BCAS3: variants seen among roughly 807,000 people sequenced by gnomAD.
BCAS3 encodes the protein BCAS4/BCAS3 fusion.
BCAS3 carries 53 observed loss-of-function variants against 116.1 expected under a neutral mutation model. The observed-to-expected ratio is 0.46, with a 90% CI of 0.37 to 0.57. The LOEUF (loss-of-function observed/expected upper bound fraction) is 0.57. Ranked by LOEUF, BCAS3 falls within the 20% of genes least tolerant of loss-of-function variation. The probability of loss-of-function intolerance (pLI) is 0.00; values close to 1 mark genes in which losing one functional copy is unlikely to be tolerated. For synonymous variants in BCAS3, 391 were observed against 408.2 expected (o/e 0.96, Z 0.51); for missense variants, 917 against 1,165.4 (o/e 0.79, Z 3.10).
chr17:61,067,274 TATA>T (rs2143368302), intron 19 of BCAS3, among the ~76,000 whole-genome samples: 1 of 13,144 alleles, frequency 7.6e-5, no homozygotes, highest in Non-Finnish European at 2.2e-4. Flanking sequence ...TGTGTATGTG[TATA>T]TATATATATA....
At chr17:61,301,407 G>A (rs150140556) in intron 22 of BCAS3, among the ~76,000 whole-genome samples, 85 of 152,328 alleles carry the variant, frequency 5.6e-4, no homozygotes, top group African/African-American at 1.9e-3. Context: ...GCCGAGGCGG[G>A]TGGATCACGA....
Position 61,063,611 on chromosome 17 carries a change from A to T in BCAS3, c.2030-11309A>T, listed in dbSNP as rs971860243. Among the ~76,000 whole-genome samples the T allele has an allele frequency of 2.0e-5, 3 of 152,020 alleles. No homozygotes were observed. The highest frequency in any genetic ancestry group is 7.2e-5 in the African/African-American group (3 of 41,398). On this transcript the variant is annotated intron_variant, in intron 19 of 23. Transcript: ENST00000407086. The surrounding 1 kb of genome is among the most constrained non-coding windows in gnomAD (Gnocchi z 5.3). ...AGAAATGCTTCAGGATCTTGTTTCC[A>T]CTTGATTAAAATTTCCATTGAAAGC...
chr17:61,360,815 C>T (rs2058416125), intron 22 of BCAS3, among the ~76,000 whole-genome samples: 1 of 152,212 alleles, frequency 6.6e-6, no homozygotes, highest in South Asian at 2.1e-4. Flanking sequence ...CACCATTCTA[C>T]CCATTGCAGT....
At chr17:60,738,717 A>G (rs2041225082) in intron 5 of BCAS3, among the ~76,000 whole-genome samples, 1 of 152,156 alleles carries the variant, frequency 6.6e-6, no homozygotes, top group South Asian at 2.1e-4. Context: ...TGGATAAATA[A>G]CTACCATATT....
intron 10 of BCAS3, chr17:60,900,046 G>C (rs1018192424): frequency 1.3e-5 from 2 of 152,560 alleles, no homozygotes; most frequent in Non-Finnish European, 2.9e-5. Flanking sequence ...AGGAGTAGGG[G>C]ACCACCAGGT....
chr17:60,940,045 ATAAT>A (rs1237975944), intron 13 of BCAS3, among the ~76,000 whole-genome samples: 1 of 152,210 alleles, frequency 6.6e-6, no homozygotes, highest in East Asian at 1.9e-4. Context: ...GAGAAAGAAA[ATAAT>A]TAAATATTTA....
chr17:60,913,136 A>G (rs1599640828), intron 12 of BCAS3, among the ~76,000 whole-genome samples: 1 of 152,080 alleles, frequency 6.6e-6, no homozygotes, highest in Non-Finnish European at 1.5e-5. Flanking sequence ...GAGAGTTGCA[A>G]AAGTTCATTT....
chr17:60,859,938 T>G (rs1353633109), intron 7 of BCAS3, among the ~76,000 whole-genome samples: 2 of 152,170 alleles, frequency 1.3e-5, no homozygotes, highest in Non-Finnish European at 2.9e-5. Context: ...AATTTGATAT[T>G]GTGACTAGTG....
rs995772148 is a variant in BCAS3, at chr17:61,021,160, A to G, written c.1637+5259A>G. Among the ~76,000 whole-genome samples the G allele has an allele frequency of 2.0e-5, 3 of 151,960 alleles. No individual in the cohort carries two copies. The highest frequency in any genetic ancestry group is 4.4e-5 in the Non-Finnish European group (3 of 67,984). ...CAACCTCTGCTCTTGGGCTCAGGTG[A>G]TTCTCTTGCCTCAGCCTCCCGAGTA... On this transcript the variant is annotated intron_variant, in intron 16 of 23. Transcript: ENST00000407086. This position sits in a 1 kb window ranked among gnomAD's most constrained non-coding sequence, Gnocchi z 4.6.
chr17:61,121,218 A>G (rs542961707), intron 22 of BCAS3, among the ~76,000 whole-genome samples: 2 of 152,266 alleles, frequency 1.3e-5, no homozygotes, highest in African/African-American at 4.8e-5. Context: ...TGAGAGAGAG[A>G]GCTAGAGATG....
In BCAS3 at chr17:61,380,679, C is replaced by A; in HGVS notation, c.2594-11298C>A. On this transcript the variant is annotated intron_variant, in intron 23 of 23. Transcript: ENST00000407086. This position sits in a 1 kb window ranked among gnomAD's most constrained non-coding sequence, Gnocchi z 4.2. Reference sequence around the variant, plus strand: ...CCTCGTGCCCAGGCCCAGGAGCACTCTAGGGAGGGCAGGGGTCAGCTCAGA... The same window carrying A: ...CCTCGTGCCCAGGCCCAGGAGCACTATAGGGAGGGCAGGGGTCAGCTCAGA... The A allele has an allele frequency of 9.9e-7, 1 of 1,014,058 alleles. No individual in the cohort carries two copies. The highest frequency in any genetic ancestry group is 1.5e-6 in the Non-Finnish European group (1 of 672,056). The allele number at this position is 1,014,058 out of a possible 1,614,324, so 62.8% of individuals were successfully genotyped here. A position where few individuals can be genotyped will look rare whatever the true frequency, so the allele number is the denominator to read the frequency against.
intron 22 of BCAS3, among the ~76,000 whole-genome samples, chr17:61,108,607 T>TG (rs1388962945): frequency 6.6e-6 from 1 of 151,134 alleles, no homozygotes; most frequent in African/African-American, 2.4e-5. Flanking sequence ...TATAGTGGTT[T>TG]TTTTTTTTTT....
chr17:60,916,552 TAA>T (rs1005333981), intron 12 of BCAS3, among the ~76,000 whole-genome samples: 6 of 152,178 alleles, frequency 3.9e-5, no homozygotes, highest in African/African-American at 1.4e-4. Context: ...TGGGTAAAAA[TAA>T]AGGTATATGT....
chr17:61,075,095 G>C, intron 20 of BCAS3, 75 bp downstream of exon 20: 1 of 1,161,906 alleles, frequency 8.6e-7, no homozygotes, highest in East Asian at 2.4e-5. Context: ...TTTCCTTAGA[G>C]GTAAAAGGGG....
rs1254698057 is a variant in BCAS3 at position 61,067,269 on chromosome 17, A to ATGTGTG, written c.2030-7646_2030-7645insGTGTGT. 4.1e-3 allele frequency among the ~76,000 whole-genome samples: 341 copies of ATGTGTG among 83,248 alleles called. 21 individuals are homozygous for ATGTGTG. Among genetic ancestry groups the ATGTGTG allele is most frequent in the African/African-American group, 0.019 (319 of 16,982 alleles). 54.6% of individuals were successfully genotyped at this position (83,248 alleles called of 152,430 possible). ...ATTTCATAACTTTATTTATGTGTGT[A>ATGTGTG]TGTGTATATATATATATATATATAT... On this transcript the variant is annotated intron_variant, in intron 19 of 23. Coordinates refer to ENST00000407086, the MANE Select transcript of BCAS3 (RefSeq NM_017679.5).
rs1322665542 is a variant in BCAS3, at chr17:61,068,219, TTCTTTAAATAAACTCTATTAA to T, written c.2030-6700_2030-6680del. On this transcript the variant is annotated intron_variant, in intron 19 of 23. Transcript: ENST00000407086. The surrounding 1 kb of genome is among the most constrained non-coding windows in gnomAD (Gnocchi z 4.3). ...ATTTGCAAGATATGTAACTTTATTTTTCTTTAAATAAACTCTATTAAGTTTTTTTTAGTACCTCCATTCGAA... is the reference window on the plus strand; with the variant it reads ...ATTTGCAAGATATGTAACTTTATTTTGTTTTTTTTAGTACCTCCATTCGAA... Among the ~76,000 whole-genome samples, 1 of 152,246 alleles carries T rather than the reference TTCTTTAAATAAACTCTATTAA, an allele frequency of 6.6e-6. No homozygotes were observed. The highest frequency in any genetic ancestry group is 1.9e-4 in the East Asian group (1 of 5,206).
rs999779465 is a variant in BCAS3, at chr17:61,343,018, C to T, written c.2426-25309C>T. On this transcript the variant is annotated intron_variant, in intron 22 of 23. Transcript: ENST00000407086. This position sits in a 1 kb window ranked among gnomAD's most constrained non-coding sequence, Gnocchi z 5.5. ...CCACCCACCTCGGCCTCCCAAAGTG[C>T]TGGGATTACAGGCGTGAGCCACTGA... Among the ~76,000 whole-genome samples, 1 of 152,180 alleles carries T rather than the reference C, an allele frequency of 6.6e-6. No individual in the cohort carries two copies. The highest frequency in any genetic ancestry group is 2.4e-5 in the African/African-American group (1 of 41,452).
At position 61,377,160 on chromosome 17, in the gene BCAS3, G is replaced by C. The variant is rs905230006; in HGVS notation, c.2593+8666G>C. On this transcript the variant is annotated intron_variant, in intron 23 of 23. Coordinates refer to ENST00000407086, the MANE Select transcript of BCAS3 (RefSeq NM_017679.5). This position sits in a 1 kb window ranked among gnomAD's most constrained non-coding sequence, Gnocchi z 4.6. ...ACAGGGCATGGTCTTTCTAGGATGC[G>C]GAGGCAAAGCTGGAACTCCCCAGTG... Among the ~76,000 whole-genome samples the C allele has an allele frequency of 6.6e-6, 1 of 152,154 alleles. No individual in the cohort carries two copies. Among genetic ancestry groups the C allele is most frequent in the Non-Finnish European group, 1.5e-5 (1 of 68,036 alleles).
At chr17:61,049,089 A>G (rs961843701) in intron 19 of BCAS3, among the ~76,000 whole-genome samples, 2 of 151,942 alleles carry the variant, frequency 1.3e-5, no homozygotes, top group African/African-American at 4.8e-5. Context: ...GCTTGAGGTC[A>G]GGAGTTCAAT....
Sources: allele counts gnomAD v4.1 joint callset (sites outside exome capture counted in the v4.1 genomes callset), GRCh38; gene constraint gnomAD v4.1.1; non-coding constraint Gnocchi (gnomAD v3.1); transcripts MANE v1.5; gene names NCBI Gene and HGNC (gene_info 2026-07-23, HGNC 2026-07-21).